PDE12: variants seen among roughly 807,000 people sequenced by gnomAD.
The protein encoded by PDE12 is phosphodiesterase 12.
PDE12 carries 26 observed loss-of-function variants against 45.4 expected under a neutral mutation model. The ratio of observed to expected loss-of-function variants is 0.57; its 90% CI spans 0.42 to 0.79. The LOEUF (loss-of-function observed/expected upper bound fraction) is 0.79, where lower values mean the gene tolerates loss of function less well. PDE12 is among the 30% of genes least tolerant of loss of function. The pLI is 0.00. For synonymous variants in PDE12, 283 were observed against 323.9 expected (o/e 0.87, Z 1.36); for missense variants, 668 against 790.0 (o/e 0.85, Z 1.85).
At chr3:57,634,434 CAAA>C in the PDE12 span, 8,260 of 276,348 alleles carry the variant, frequency 0.03, no homozygotes, top group East Asian at 0.046. Context: ...CTCTGTCTCC[CAAA>C]AAAAAAAAAA....
At chr3:57,622,672 G>C in the PDE12 span, among the ~76,000 whole-genome samples, 1 of 152,064 alleles carries the variant, frequency 6.6e-6, no homozygotes, top group Non-Finnish European at 1.5e-5. Flanking sequence ...CCAAAAACTA[G>C]AAACAATCCA....
chr3:57,572,089 G>A, the PDE12 span: 11 of 713,566 alleles, frequency 1.5e-5, no homozygotes, highest in South Asian at 2.0e-4. Context: ...AACAAAATAA[G>A]TTTAATATTC....
chr3:57,584,127 T>C, the PDE12 span: 1 of 770,416 alleles, frequency 1.3e-6, no homozygotes, highest in Non-Finnish European at 2.1e-6. Flanking sequence ...AAAAAATATA[T>C]TTAAGCCTAA....
the PDE12 span, among the ~76,000 whole-genome samples, chr3:57,609,488 A>T: frequency 2.6e-5 from 4 of 152,100 alleles, no homozygotes; most frequent in Non-Finnish European, 4.4e-5. Context: ...GATAGACTGC[A>T]AGCAAGACTA....
chr3:57,586,394 A>C, the PDE12 span, among the ~76,000 whole-genome samples: 1 of 152,232 alleles, frequency 6.6e-6, no homozygotes, highest in Non-Finnish European at 1.5e-5. Context: ...CTATGCAAGT[A>C]AGTCTATCTT....
At chr3:57,623,058 T>G in the PDE12 span, among the ~76,000 whole-genome samples, 23 of 152,330 alleles carry the variant, frequency 1.5e-4, no homozygotes, top group East Asian at 4.2e-3. Context: ...AATTATACAC[T>G]TTAAATATGT....
At chr3:57,598,502 C>A in the PDE12 span, among the ~76,000 whole-genome samples, 1 of 151,994 alleles carries the variant, frequency 6.6e-6, no homozygotes, top group Non-Finnish European at 1.5e-5. Flanking sequence ...AAACTTCTGG[C>A]CGGGCATAGT....
chr3:57,559,504 T>G, intron 2 of PDE12, 58 bp from the exon 3 acceptor site: 1 of 1,564,042 alleles, frequency 6.4e-7, no homozygotes, highest in Non-Finnish European at 8.7e-7. Context: ...TAGTTTTTCT[T>G]TTTTAACTTA....
At chr3:57,574,408 ATTTT>A in the PDE12 span, among the ~76,000 whole-genome samples, 1 of 145,262 alleles carries the variant, frequency 6.9e-6, no homozygotes, top group African/African-American at 2.5e-5. Context: ...AGAAGTACAA[ATTTT>A]TTTTTTTTTT....
At chr3:57,576,492 G>A in the PDE12 span, among the ~76,000 whole-genome samples, 1 of 144,336 alleles carries the variant, frequency 6.9e-6, no homozygotes, top group Non-Finnish European at 1.5e-5. Context: ...TGTGAAGTAT[G>A]TCTCAACCAA....
the PDE12 span, among the ~76,000 whole-genome samples, chr3:57,601,727 C>T: frequency 6.7e-6 from 1 of 149,760 alleles, no homozygotes; most frequent in Non-Finnish European, 1.5e-5. Flanking sequence ...CATATCTCTT[C>T]CTTTTTTCTT....
chr3:57,628,076 G>A, the PDE12 span: 1 of 1,284,478 alleles, frequency 7.8e-7, no homozygotes, highest in Non-Finnish European at 1.1e-6. Context: ...ATACAATACA[G>A]TCTTTCTACC....
the PDE12 span, among the ~76,000 whole-genome samples, chr3:57,603,081 T>C: frequency 2.0e-5 from 3 of 151,618 alleles, no homozygotes; most frequent in Non-Finnish European, 4.4e-5. Flanking sequence ...GCAGGAGAAT[T>C]GCTTGAACCC....
At chr3:57,592,191 T>C in the PDE12 span, among the ~76,000 whole-genome samples, 1 of 152,128 alleles carries the variant, frequency 6.6e-6, no homozygotes, top group African/African-American at 2.4e-5. Flanking sequence ...GTGGACATAC[T>C]GTATCTTAAT....
At chr3:57,608,148 G>C in the PDE12 span, among the ~76,000 whole-genome samples, 1 of 152,040 alleles carries the variant, frequency 6.6e-6, no homozygotes, top group African/African-American at 2.4e-5. Flanking sequence ...AGCTTCATAA[G>C]CAAAGGAGAA....
At chr3:57,587,618 AT>A in the PDE12 span, among the ~76,000 whole-genome samples, 1 of 152,028 alleles carries the variant, frequency 6.6e-6, no homozygotes, top group East Asian at 1.9e-4. Flanking sequence ...GGCTGTTTAC[AT>A]TTCCTGATGT....
At chr3:57,597,315 A>C in the PDE12 span, 1 of 595,252 alleles carries the variant, frequency 1.7e-6, no homozygotes, top group Non-Finnish European at 3.0e-6. Flanking sequence ...CGGCACAGGA[A>C]TAAGCCGGTA....
At chr3:57,617,682 G>A in the PDE12 span, among the ~76,000 whole-genome samples, 1 of 152,050 alleles carries the variant, frequency 6.6e-6, no homozygotes, top group Admixed American at 6.6e-5. Context: ...GGGCAACACT[G>A]TGAAAGCTCA....
chr3:57,645,826 C>T, the PDE12 span: 11 of 1,140,264 alleles, frequency 9.6e-6, no homozygotes, highest in African/African-American at 1.6e-4. Flanking sequence ...AACTAGAAAA[C>T]ATCTATACAA....
Sources: gnomAD v4.1 joint callset for allele counts (sites outside exome capture counted in the v4.1 genomes callset) on GRCh38, gnomAD v4.1.1 for gene constraint, MANE v1.5 for transcripts, NCBI Gene and HGNC (gene_info 2026-07-23, HGNC 2026-07-21) for gene names.